The following MYRIP variants were observed in gnomAD, a reference collection of about 807,000 sequenced individuals.
The protein encoded by MYRIP is myosin VIIA and Rab interacting protein, also known as rab effector MyRIP.
MYRIP carries 49 observed loss-of-function variants against 98.0 expected under a neutral mutation model. That is an observed-to-expected ratio of 0.50 (90% CI 0.40 to 0.63). The LOEUF (loss-of-function observed/expected upper bound fraction) is 0.63. MYRIP is among the 30% of genes least tolerant of loss of function. The pLI, the probability that MYRIP is intolerant of heterozygous loss-of-function variation, is 0.00. For synonymous variants in MYRIP, 404 were observed against 409.5 expected, an observed-to-expected ratio of 0.99 and a Z score of 0.16; for missense variants, 1,004 against 1,058.2, an observed-to-expected ratio of 0.95 and a Z score of 0.71.
At chr3:40,095,785 T>C (rs1212166763) in intron 3 of MYRIP, among the ~76,000 whole-genome samples, 1 of 151,828 alleles carries the variant, frequency 6.6e-6, no homozygotes, top group Non-Finnish European at 1.5e-5. Context: ...CCTCACAGTA[T>C]GCTGTCACAC....
At chr3:40,110,881 GGTGTGTGTGTGTGTGTGT>G (rs58040369) in intron 3 of MYRIP, among the ~76,000 whole-genome samples, 202 of 147,740 alleles carry the variant, frequency 1.4e-3, no homozygotes, top group African/African-American at 3.8e-3. Context: ...TTCATGAAGG[GGTGTGTGTGTGTGTGTGT>G]GTGTGTGTGT....
chr3:39,850,828 A>G (rs1942109142), intron 1 of MYRIP, among the ~76,000 whole-genome samples: 1 of 152,220 alleles, frequency 6.6e-6, no homozygotes, highest in Non-Finnish European at 1.5e-5. Flanking sequence ...TACATAGTAG[A>G]GAGAGCAAAG....
chr3:40,254,706 T>C (rs1953515792), intron 16 of MYRIP, among the ~76,000 whole-genome samples: 1 of 152,130 alleles, frequency 6.6e-6, no homozygotes, highest in South Asian at 2.1e-4. Context: ...CAGCTTGACT[T>C]TTCCCTTTAG....
chr3:40,051,746 T>C (rs1947799363), intron 3 of MYRIP, among the ~76,000 whole-genome samples: 1 of 152,256 alleles, frequency 6.6e-6, no homozygotes, highest in Admixed American at 6.5e-5. Flanking sequence ...CTAAGAAAAC[T>C]TAAGGCTTCT....
intron 3 of MYRIP, among the ~76,000 whole-genome samples, chr3:40,090,067 C>T (rs1236363591): frequency 6.6e-6 from 1 of 151,692 alleles, no homozygotes; most frequent in Non-Finnish European, 1.5e-5. Context: ...CTGAAAAACA[C>T]TTCATGAATA....
intron 11 of MYRIP, among the ~76,000 whole-genome samples, chr3:40,232,292 C>T (rs911186590): frequency 2.6e-5 from 4 of 152,226 alleles, no homozygotes; most frequent in African/African-American, 4.8e-5. Context: ...AACGGCTTGA[C>T]AGGTGTGAGA....
At chr3:40,148,042 A>G (rs754731784) in intron 3 of MYRIP, among the ~76,000 whole-genome samples, 3 of 152,194 alleles carry the variant, frequency 2.0e-5, no homozygotes, top group Non-Finnish European at 2.9e-5. Context: ...TCTTGTGATG[A>G]TGGTTTGGCT....
intron 9 of MYRIP, among the ~76,000 whole-genome samples, chr3:40,184,326 A>G (rs1197656664): frequency 6.6e-6 from 1 of 152,236 alleles, no homozygotes; most frequent in African/African-American, 2.4e-5. Context: ...GCTTTCTAAA[A>G]TCACTTTAAA....
intron 5 of MYRIP, among the ~76,000 whole-genome samples, chr3:40,164,475 C>A (rs1446914315): frequency 6.6e-6 from 1 of 152,188 alleles, no homozygotes; most frequent in East Asian, 1.9e-4. Flanking sequence ...GCTCTTAAGG[C>A]CTTTCAGTGG....
At position 39,949,738 on chromosome 3, in the gene MYRIP, C is replaced by T. The variant is rs563388948; in HGVS notation, c.110+48812C>T. 7.2e-5 allele frequency among the ~76,000 whole-genome samples: 11 copies of T among 152,244 alleles called. No individual in the cohort carries two copies. In the East Asian group the frequency reaches 2.1e-3, roughly 29 times the overall value. On this transcript the variant is annotated intron_variant, in intron 2 of 16. Transcript: ENST00000302541. ...TTAAGGCCTATCTTCAGATGGTTTG[C>T]TATCATATTTGCAAGTTATTTCTGG...
chr3:39,974,405 A>G (rs1016883335), intron 2 of MYRIP, among the ~76,000 whole-genome samples: 6 of 152,196 alleles, frequency 3.9e-5, no homozygotes, highest in Non-Finnish European at 7.3e-5. Context: ...TCAGGCAATA[A>G]TTAATAGCTT....
At position 40,128,545 on chromosome 3, in the gene MYRIP, C is replaced by T. The variant is rs148146154; in HGVS notation, c.333-22503C>T. Among the ~76,000 whole-genome samples, 44 of 152,274 alleles carry T rather than the reference C, an allele frequency of 2.9e-4. 1 individual carries two copies. Among genetic ancestry groups the T allele is most frequent in the African/African-American group, 9.9e-4 (41 of 41,572 alleles). On this transcript the variant is annotated intron_variant, in intron 3 of 16. Coordinates refer to ENST00000302541, the MANE Select transcript of MYRIP (RefSeq NM_015460.4). ...TCAATCCCCTGTATTGCATGTGTTC[C>T]GTGGGACAGGCCAGGGGTTGAGATA...
At chr3:39,892,657 T>C (rs1559512493) in intron 1 of MYRIP, among the ~76,000 whole-genome samples, 1 of 152,158 alleles carries the variant, frequency 6.6e-6, no homozygotes, top group Non-Finnish European at 1.5e-5. Context: ...TAATCAAATG[T>C]GAAGAGTGAT....
At chr3:39,870,239 C>A (rs1295120855) in intron 1 of MYRIP, among the ~76,000 whole-genome samples, 1 of 152,176 alleles carries the variant, frequency 6.6e-6, no homozygotes, top group African/African-American at 2.4e-5. Flanking sequence ...GACATCCTTA[C>A]CCTGCCCTGA....
intron 2 of MYRIP, among the ~76,000 whole-genome samples, chr3:39,940,149 A>G (rs1944752067): frequency 6.6e-6 from 1 of 152,124 alleles, no homozygotes; most frequent in African/African-American, 2.4e-5. Context: ...TGAATCATAC[A>G]TACATAAATC....
intron 3 of MYRIP, among the ~76,000 whole-genome samples, chr3:40,075,549 C>G (rs1367034108): frequency 2.0e-5 from 3 of 152,174 alleles, no homozygotes; most frequent in Non-Finnish European, 4.4e-5. Context: ...CCTCAATCCT[C>G]TTGAGTAAAA....
At chr3:40,043,332 C>T (rs1947588478) in intron 2 of MYRIP, among the ~76,000 whole-genome samples, 1 of 152,046 alleles carries the variant, frequency 6.6e-6, no homozygotes, top group Non-Finnish European at 1.5e-5. Context: ...CCTGCTGATT[C>T]AGGGTAATTT....
chr3:40,062,854 G>A (rs1432786066), intron 3 of MYRIP, among the ~76,000 whole-genome samples: 1 of 152,106 alleles, frequency 6.6e-6, no homozygotes, highest in East Asian at 1.9e-4. Context: ...CCTTACCTTG[G>A]ATAATTAGCT....
chr3:40,160,281 G>T (rs551745270), intron 4 of MYRIP, among the ~76,000 whole-genome samples: 117 of 152,354 alleles, frequency 7.7e-4, no homozygotes, highest in Non-Finnish European at 1.2e-3. Flanking sequence ...CCCCTACTGG[G>T]GGGTGCCTCC....
Sources: allele counts gnomAD v4.1 joint callset (sites outside exome capture counted in the v4.1 genomes callset), GRCh38; gene constraint gnomAD v4.1.1; transcripts MANE v1.5; gene names NCBI Gene and HGNC (gene_info 2026-07-23, HGNC 2026-07-21).